Variants in NBAS observed in about 807,000 individuals in gnomAD.
NBAS encodes the protein NBAS subunit of NRZ tethering complex, also known as NAG/BC035112 fusion.
A neutral mutation model predicts 302.5 loss-of-function variants in NBAS; 219 were observed. The ratio of observed to expected loss-of-function variants is 0.72; its 90% CI spans 0.65 to 0.81. NBAS has a LOEUF of 0.81. Among genes scored for constraint, NBAS ranks in the 30% least tolerant of loss-of-function variants. The pLI is 0.00. For missense variants in NBAS, 2,932 were observed against 2,841.6 expected, an observed-to-expected ratio of 1.03 and a Z score of -0.72; for synonymous variants, 1,118 against 1,021.6, an observed-to-expected ratio of 1.09 and a Z score of -1.80.
At chr2:15,235,606 AT>A (rs1205720188) in intron 45 of NBAS, among the ~76,000 whole-genome samples, 1 of 152,162 alleles carries the variant, frequency 6.6e-6, no homozygotes, top group Non-Finnish European at 1.5e-5. Context: ...ATGTTTATTA[AT>A]TTTTTTCTAG....
At chr2:15,518,908 GAGA>G (rs1436343918) in intron 9 of NBAS, among the ~76,000 whole-genome samples, 2 of 152,014 alleles carry the variant, frequency 1.3e-5, no homozygotes, top group Non-Finnish European at 2.9e-5. Context: ...TCACTATCAT[GAGA>G]AGAACATGGG....
At chr2:14,831,778 A>G in the NBAS span, among the ~76,000 whole-genome samples, 4 of 152,174 alleles carry the variant, frequency 2.6e-5, no homozygotes, top group African/African-American at 9.7e-5. Context: ...CATGGGTAAC[A>G]TGAAGATAAT....
At chr2:14,826,224 A>T in the NBAS span, among the ~76,000 whole-genome samples, 2 of 152,238 alleles carry the variant, frequency 1.3e-5, no homozygotes, top group Non-Finnish European at 2.9e-5. Flanking sequence ...ATGTGTTCAC[A>T]TGGTCACAAG....
At chr2:15,348,100 C>T (rs1309131421) in intron 35 of NBAS, among the ~76,000 whole-genome samples, 1 of 152,170 alleles carries the variant, frequency 6.6e-6, no homozygotes, top group African/African-American at 2.4e-5. Context: ...ATGTGTAACA[C>T]ACGGCATCTT....
intron 25 of NBAS, among the ~76,000 whole-genome samples, chr2:15,414,064 A>C (rs1676806805): frequency 6.6e-6 from 1 of 152,192 alleles, no homozygotes; most frequent in South Asian, 2.1e-4. Context: ...TGCTTCTCAC[A>C]AAGTATTCTG....
At chr2:15,109,908 T>C in the NBAS span, among the ~76,000 whole-genome samples, 1 of 152,134 alleles carries the variant, frequency 6.6e-6, no homozygotes, top group Non-Finnish European at 1.5e-5. Flanking sequence ...ATTATGTTAG[T>C]AGTGTTTATT....
intron 11 of NBAS, among the ~76,000 whole-genome samples, chr2:15,499,864 C>A (rs1661425758): frequency 6.6e-6 from 1 of 152,188 alleles, no homozygotes; most frequent in African/African-American, 2.4e-5. Context: ...AGGAAAACCA[C>A]ATGAATTGTT....
intron 29 of NBAS, 51 bp from the exon 30 acceptor site, chr2:15,379,882 C>A: frequency 6.5e-7 from 1 of 1,540,088 alleles, no homozygotes; most frequent in Non-Finnish European, 9.0e-7. Flanking sequence ...AGATTCAGTT[C>A]TCAGTGAAAT....
At chr2:15,518,056 T>A (rs1328581931) in intron 9 of NBAS, among the ~76,000 whole-genome samples, 1 of 151,042 alleles carries the variant, frequency 6.6e-6, no homozygotes, top group African/African-American at 2.4e-5. Context: ...TTTTTTAAAC[T>A]TAAAAAGAAG....
chr2:15,089,320 G>A, the NBAS span, among the ~76,000 whole-genome samples: 1 of 152,146 alleles, frequency 6.6e-6, no homozygotes, highest in East Asian at 1.9e-4. Flanking sequence ...TCAAAGAAGT[G>A]TAACTGCTTC....
At chr2:15,292,438 T>G (rs929989982) in intron 41 of NBAS, 99 bp downstream of exon 41, 10 of 1,271,414 alleles carry the variant, frequency 7.9e-6, no homozygotes, top group Non-Finnish European at 1.0e-5. Flanking sequence ...CAACCATGAA[T>G]GTAAAACTTC....
the NBAS span, among the ~76,000 whole-genome samples, chr2:14,825,669 C>T: frequency 6.6e-6 from 1 of 152,118 alleles, no homozygotes; most frequent in African/African-American, 2.4e-5. Context: ...TCCCTGTATT[C>T]CAGCAACTTA....
intron 21 of NBAS, among the ~76,000 whole-genome samples, chr2:15,440,374 C>T (rs1166666486): frequency 6.6e-6 from 1 of 152,208 alleles, no homozygotes; most frequent in Admixed American, 6.5e-5. Context: ...TCTGCAGACA[C>T]CGCTGCTGAT....
At chr2:15,493,907 A>T (rs1010112466) in intron 11 of NBAS, among the ~76,000 whole-genome samples, 2 of 149,558 alleles carry the variant, frequency 1.3e-5, no homozygotes, top group Non-Finnish European at 3.0e-5. Flanking sequence ...GCTCACTGCA[A>T]CCTCTGCCTC....
intron 46 of NBAS, 24 bp downstream of exon 46, chr2:15,234,521 C>T (rs1008616876): frequency 1.2e-6 from 2 of 1,610,964 alleles, no homozygotes; most frequent in African/African-American, 1.3e-5. Flanking sequence ...CCAGTTTTTC[C>T]ACAATGACCA....
rs79938283 is a variant in NBAS, at chr2:15,284,375, G to A, written c.5138+2698C>T. Among the ~76,000 whole-genome samples, 571 of 152,244 alleles carry A rather than the reference G, an allele frequency of 3.8e-3. 3 individuals carry two copies. Among genetic ancestry groups the A allele is most frequent in the African/African-American group, 0.013 (552 of 41,528 alleles). On this transcript the variant is annotated intron_variant, in intron 42 of 51. Transcript: ENST00000281513. ...GAGCTTCAGAGAAGGGAATTATCTTGCCCATGGACACACACCTAGAAGTGA... is the reference window on the plus strand; with the variant it reads ...GAGCTTCAGAGAAGGGAATTATCTTACCCATGGACACACACCTAGAAGTGA...
the NBAS span, among the ~76,000 whole-genome samples, chr2:14,882,588 C>T: frequency 6.6e-6 from 1 of 152,132 alleles, no homozygotes. Flanking sequence ...GTGAGGTGAT[C>T]CTCAAAGAGA....
chr2:15,280,325 G>C, intron 42 of NBAS, among the ~76,000 whole-genome samples: 1 of 152,044 alleles, frequency 6.6e-6, no homozygotes, highest in East Asian at 1.9e-4. Context: ...ACTGAAAGGA[G>C]TGCTTAGAAG....
intron 29 of NBAS, among the ~76,000 whole-genome samples, chr2:15,381,441 G>A (rs781559295): frequency 1.1e-4 from 16 of 152,128 alleles, no homozygotes; most frequent in Admixed American, 7.9e-4. Flanking sequence ...AGGGAGACCC[G>A]TGGACAGAAG....
Sources: gnomAD v4.1 joint callset for allele counts (sites outside exome capture counted in the v4.1 genomes callset) on GRCh38, gnomAD v4.1.1 for gene constraint, MANE v1.5 for transcripts, NCBI Gene and HGNC (gene_info 2026-07-23, HGNC 2026-07-21) for gene names.